ATOH8: variants seen among roughly 807,000 people sequenced by gnomAD.
ATOH8 encodes the protein atonal bHLH transcription factor 8.
In ATOH8, 9 loss-of-function variants were observed where a neutral mutation model predicts 21.2. The ratio of observed to expected loss-of-function variants is 0.42; its 90% CI spans 0.26 to 0.74. The LOEUF (loss-of-function observed/expected upper bound fraction) is 0.74. ATOH8 is among the 30% of genes least tolerant of loss of function. The probability of loss-of-function intolerance (pLI) is 0.24; values close to 1 mark genes in which losing one functional copy is unlikely to be tolerated. For synonymous variants in ATOH8, 253 were observed against 224.0 expected, an observed-to-expected ratio of 1.13 and a Z score of -1.16; for missense variants, 524 against 470.9, an observed-to-expected ratio of 1.11 and a Z score of -1.04.
At chr2:85,782,845 G>A (rs180937780) in intron 2 of ATOH8, among the ~76,000 whole-genome samples, 110 of 152,190 alleles carry the variant, frequency 7.2e-4, no homozygotes, top group Non-Finnish European at 1.2e-3. Flanking sequence ...ACAAGCATGC[G>A]CCACCACACC....
rs993342509 is a variant in ATOH8, at chr2:85,785,725, G to A, written c.961-1160G>A. Reference sequence around the variant, plus strand: ...TGGCAACTTCTAGCACTTCCTTCTCGGAGCCTGGGATTGCTCACTCATGAG... The same window carrying A: ...TGGCAACTTCTAGCACTTCCTTCTCAGAGCCTGGGATTGCTCACTCATGAG... On this transcript the variant is annotated intron_variant, in intron 2 of 2. Transcript: ENST00000306279. The surrounding 1 kb of genome is among the most constrained non-coding windows in gnomAD (Gnocchi z 4.1). 2.6e-5 allele frequency among the ~76,000 whole-genome samples: 4 copies of A among 152,176 alleles called. No homozygotes were observed. The highest frequency in any genetic ancestry group is 2.9e-5 in the Non-Finnish European group (2 of 68,030).
intron 2 of ATOH8, 57 bp downstream of exon 2, chr2:85,764,239 G>C: frequency 6.3e-7 from 1 of 1,594,550 alleles, no homozygotes; most frequent in Non-Finnish European, 8.6e-7. Flanking sequence ...GGCAGGGACA[G>C]GAACTTGGGG....
In ATOH8 at chr2:85,754,914, G is replaced by A; in HGVS notation, c.725G>A (p.Arg242Gln). The A allele has an allele frequency of 6.2e-7, 1 of 1,608,526 alleles. No individual in the cohort carries two copies. The highest frequency in any genetic ancestry group is 8.5e-7 in the Non-Finnish European group (1 of 1,179,572). ...RLLANARERT[R>Q]VHTISAAFEA... Reference sequence around the variant, plus strand: ...CTGGCGAACGCCAGGGAGCGGACGCGGGTGCACACCATCAGCGCAGCCTTC... The same window carrying A: ...CTGGCGAACGCCAGGGAGCGGACGCAGGTGCACACCATCAGCGCAGCCTTC... The change falls in exon 1 of 3, where the codon CGG becomes CAG. Residue 242 changes from arginine to glutamine, a missense_variant. Transcript: ENST00000306279.
At chr2:85,773,141 G>A (rs1316467336) in intron 2 of ATOH8, 1 of 312,732 alleles carries the variant, frequency 3.2e-6, no homozygotes, top group African/African-American at 2.2e-5. Flanking sequence ...CAGAGGGAGG[G>A]TCTGGGAGAC....
chr2:85,772,543 G>A (rs1314134863), intron 2 of ATOH8: 2 of 368,956 alleles, frequency 5.4e-6, no homozygotes, highest in Non-Finnish European at 1.1e-5. Context: ...CACAGGCCTT[G>A]GCAGCCCGCC....
At chr2:85,772,115 G>A (rs778840843) in intron 2 of ATOH8, among the ~76,000 whole-genome samples, 14 of 152,212 alleles carry the variant, frequency 9.2e-5, no homozygotes, top group Non-Finnish European at 1.9e-4. Context: ...CGGCTGCAGC[G>A]CAGTGCAGGC....
intron 1 of ATOH8, 127 bp downstream of exon 1, chr2:85,755,084 GCCCA>G: frequency 1.6e-6 from 2 of 1,288,524 alleles, no homozygotes; most frequent in Non-Finnish European, 2.1e-6. Context: ...CGACCCTGGT[GCCCA>G]GACAGGTGTG....
chr2:85,758,272 T>G (rs1050178184), intron 1 of ATOH8, among the ~76,000 whole-genome samples: 8 of 152,218 alleles, frequency 5.3e-5, no homozygotes, highest in African/African-American at 1.9e-4. Context: ...TTTAATGAAA[T>G]AGATATTATT....
At chr2:85,781,892 TAAATAA>T (rs869195981) in intron 2 of ATOH8, among the ~76,000 whole-genome samples, 2 of 56,788 alleles carry the variant, frequency 3.5e-5, no homozygotes. Context: ...AAATAAAAAA[TAAATAA>T]AAATAAAAAT....
chr2:85,766,563 C>T lies in ATOH8; in HGVS notation c.960+2381C>T, dbSNP rs565189006. Reference sequence around the variant, plus strand: ...TGGCCCTGCGTCTCCCCATGGGGGCCGGTGTTCATAATTCCAGCCCTTCCC... The same window carrying T: ...TGGCCCTGCGTCTCCCCATGGGGGCTGGTGTTCATAATTCCAGCCCTTCCC... On this transcript the variant is annotated intron_variant, in intron 2 of 2. Coordinates refer to ENST00000306279, the MANE Select transcript of ATOH8 (RefSeq NM_032827.7). This position sits in a 1 kb window ranked among gnomAD's most constrained non-coding sequence, Gnocchi z 4.0. Among the ~76,000 whole-genome samples, 4 of 152,174 alleles carry T rather than the reference C, an allele frequency of 2.6e-5. No homozygotes were observed. Among genetic ancestry groups the T allele is most frequent in the Admixed American group, 1.3e-4 (2 of 15,282 alleles).
intron 2 of ATOH8, among the ~76,000 whole-genome samples, chr2:85,775,951 G>A (rs1211041462): frequency 1.3e-5 from 2 of 152,128 alleles, no homozygotes; most frequent in Non-Finnish European, 2.9e-5. Context: ...CCACAAATTG[G>A]GTGTCACCAG....
At chr2:85,775,262 C>T in intron 2 of ATOH8, 1 of 985,296 alleles carries the variant, frequency 1.0e-6, no homozygotes, top group Non-Finnish European at 1.2e-6. Flanking sequence ...CATACTAGGG[C>T]CCCCAAATAA....
In ATOH8 at chr2:85,768,953, C is replaced by CG. The variant is rs755616542; in HGVS notation, c.960+4773dup. On this transcript the variant is annotated intron_variant, in intron 2 of 2. Coordinates refer to ENST00000306279, the MANE Select transcript of ATOH8 (RefSeq NM_032827.7). ...ACTCTGGGGAGTTCAGTTCTGACTC[C>CG]GGCTGCAGCCGGAGATAATGCACGT... 2.6e-5 allele frequency among the ~76,000 whole-genome samples: 4 copies of CG among 152,130 alleles called. No individual in the cohort carries two copies. In the East Asian group the frequency reaches 5.8e-4, roughly 22 times the overall value.
Position 85,754,662 on chromosome 2 carries a change from C to A in ATOH8, c.473C>A (p.Ala158Glu). The A allele has an allele frequency of 6.5e-7, 1 of 1,540,252 alleles. No homozygotes were observed. The highest frequency in any genetic ancestry group is 1.2e-5 in the South Asian group (1 of 82,808). ...PGLRPRILLCAPPARPAPSAP... is the reference protein window; with the variant it reads ...PGLRPRILLCEPPARPAPSAP... ...CTGCGTCCTCGCATCTTGCTGTGCG[C>A]ACCGCCCGCGCGCCCCGCGCCGTCA... The change falls in exon 1 of 3, where the codon GCA becomes GAA. Residue 158 changes from alanine (A) to glutamate (E), a missense_variant. Ala to Glu is a moderately radical substitution (Grantham distance 107). Transcript: ENST00000306279.
chr2:85,758,475 G>A (rs557517832), intron 1 of ATOH8, among the ~76,000 whole-genome samples: 53 of 152,332 alleles, frequency 3.5e-4, no homozygotes, highest in African/African-American at 1.2e-3. Flanking sequence ...GCTGTGTGCC[G>A]CTGTTGCTGC....
intron 2 of ATOH8, among the ~76,000 whole-genome samples, chr2:85,782,854 C>G (rs908350229): frequency 1.3e-5 from 2 of 152,188 alleles, no homozygotes; most frequent in Admixed American, 1.3e-4. Context: ...CGCCACCACA[C>G]CCAGCTAATT....
At chr2:85,756,638 TC>T (rs1028563651) in intron 1 of ATOH8, among the ~76,000 whole-genome samples, 1 of 152,138 alleles carries the variant, frequency 6.6e-6, no homozygotes, top group Non-Finnish European at 1.5e-5. Context: ...ATCAATTCCA[TC>T]TCATTTGATC....
At chr2:85,780,846 C>A in intron 2 of ATOH8, 1 of 981,762 alleles carries the variant, frequency 1.0e-6, no homozygotes, top group Non-Finnish European at 1.2e-6. Context: ...GCCATGTTCC[C>A]GCCCCCCGCA....
chr2:85,771,772 A>G (rs569226203), intron 2 of ATOH8, among the ~76,000 whole-genome samples: 1 of 152,286 alleles, frequency 6.6e-6, no homozygotes, highest in African/African-American at 2.4e-5. Flanking sequence ...GGTGAGTGCC[A>G]TTGTGTCCCC....
Sources: allele counts gnomAD v4.1 joint callset (sites outside exome capture counted in the v4.1 genomes callset), GRCh38; gene constraint gnomAD v4.1.1; non-coding constraint Gnocchi (gnomAD v3.1); transcripts MANE v1.5; gene names NCBI Gene and HGNC (gene_info 2026-07-23, HGNC 2026-07-21).